The following ZNF253 variants were observed in gnomAD, a reference collection of about 807,000 sequenced individuals.
ZNF253 encodes DNA-binding protein.
Under a neutral mutation model 11.9 loss-of-function variants are expected in ZNF253, and 8 were observed. The observed-to-expected ratio is 0.67, with a 90% CI of 0.40 to 1.22. The LOEUF (loss-of-function observed/expected upper bound fraction) is 1.22, where lower values mean the gene tolerates loss of function less well. Among genes scored for constraint, ZNF253 ranks in the 50% most tolerant of loss-of-function variants. The pLI, the probability that ZNF253 is intolerant of heterozygous loss-of-function variation, is 0.01. For synonymous variants in ZNF253, 194 were observed against 194.9 expected, an observed-to-expected ratio of 1.00 and a Z score of 0.04; for missense variants, 485 against 586.9, an observed-to-expected ratio of 0.83 and a Z score of 1.79.
At chr19:19,870,809 A>G (rs1294132440) in intron 1 of ZNF253, 1 of 152,166 alleles carries the variant, frequency 6.6e-6, no homozygotes, top group Non-Finnish European at 1.5e-5. Flanking sequence ...CAGAGATGGA[A>G]AAGAAACTTT....
At chr19:19,890,498 T>TTG (rs35114806) in intron 3 of ZNF253, among the ~76,000 whole-genome samples, 24,950 of 140,770 alleles carry the variant, frequency 0.18, 2,090 homozygotes, top group East Asian at 0.32. Context: ...CAATTTATAT[T>TTG]TGTGTGTGTG....
chr19:19,890,832 A>ATTTTTTTTTT (rs770757608), intron 3 of ZNF253, among the ~76,000 whole-genome samples: 4 of 76,850 alleles, frequency 5.2e-5, no homozygotes, highest in Non-Finnish European at 9.1e-5. Context: ...CAACAATTTA[A>ATTTTTTTTTT]TTTTTTTTTT....
chr19:19,885,875 G>A (rs2063204716), intron 3 of ZNF253, among the ~76,000 whole-genome samples: 1 of 152,236 alleles, frequency 6.6e-6, no homozygotes, highest in East Asian at 1.9e-4. Context: ...CAAGAATGTT[G>A]AAGTGTGTTT....
At chr19:19,883,900 C>CA (rs2063188099) in intron 3 of ZNF253, among the ~76,000 whole-genome samples, 1 of 150,244 alleles carries the variant, frequency 6.7e-6, no homozygotes, top group East Asian at 2.0e-4. Flanking sequence ...TACTAAAATA[C>CA]AAAAAAATTA....
intron 1 of ZNF253, among the ~76,000 whole-genome samples, chr19:19,869,385 G>A (rs1294069146): frequency 2.0e-5 from 3 of 150,722 alleles, no homozygotes; most frequent in East Asian, 1.9e-4. Context: ...TTTTTTTTTC[G>A]AGGTGTTTTG....
chr19:19,873,781 G>A (rs1038580458), intron 1 of ZNF253, among the ~76,000 whole-genome samples: 1 of 152,066 alleles, frequency 6.6e-6, no homozygotes, highest in African/African-American at 2.4e-5. Flanking sequence ...TGAATTATGT[G>A]TCATATGGTT....
chr19:19,880,847 G>C (rs774651988), intron 3 of ZNF253, among the ~76,000 whole-genome samples: 4 of 151,834 alleles, frequency 2.6e-5, no homozygotes, highest in Non-Finnish European at 5.9e-5. Flanking sequence ...TCTGAAATGC[G>C]TGAGAGTATT....
Position 19,892,251 on chromosome 19 carries a change from C to T in ZNF253, c.1004C>T (p.Thr335Ile). The change falls in exon 4 of 4, where the codon ACA (threonine) becomes ATA (isoleucine). Residue 335 changes from threonine (T) to isoleucine (I), a missense_variant. Physicochemically the swap from Thr to Ile is moderately conservative, Grantham distance 89 (BLOSUM62 -1). Coordinates refer to ENST00000589717, the MANE Select transcript of ZNF253 (RefSeq NM_021047.3). ...CTTACTATACATAAGAGAATTCATA[C>T]AGGAGAGAAACCCTACAAATGTGAA... is the stretch of plus-strand genomic sequence containing the variant. ...SNLTIHKRIH[T>I]GEKPYKCEEC... is the part of the protein sequence containing the mutation. The T allele has an allele frequency of 1.2e-6, 2 of 1,613,924 alleles. No individual in the cohort carries two copies. Among genetic ancestry groups the T allele is most frequent in the Non-Finnish European group, 1.7e-6 (2 of 1,179,952 alleles).
At position 19,894,029 on chromosome 19, in the gene ZNF253, A is replaced by G. The variant is rs2122147509; in HGVS notation, c.*1282A>G. 6.6e-6 allele frequency: 1 copy of G among 152,376 alleles called. No homozygotes were observed. Among genetic ancestry groups the G allele is most frequent in the African/African-American group, 2.4e-5 (1 of 41,598 alleles). The allele number at this position is 152,376 out of a possible 1,614,324, so 9.4% of individuals were successfully genotyped here. On this transcript the variant is annotated 3_prime_UTR_variant, in exon 4 of 4. Transcript: ENST00000589717. ...ATTTTTGCAGATGCAGTAAATATCA[A>G]AAAATATTTAATTCAAAATTGATTC...
intron 1 of ZNF253, among the ~76,000 whole-genome samples, chr19:19,876,721 T>C (rs2063157646): frequency 6.6e-6 from 1 of 152,024 alleles, no homozygotes; most frequent in African/African-American, 2.4e-5. Context: ...GAGGGAAAAG[T>C]GGCTTTTCTG....
chr19:19,873,148 A>G (rs2063141785), intron 1 of ZNF253, among the ~76,000 whole-genome samples: 1 of 151,972 alleles, frequency 6.6e-6, no homozygotes, highest in Non-Finnish European at 1.5e-5. Context: ...CTCTAGGAAG[A>G]AATAGAATCT....
rs1456636463 is a variant in ZNF253, at chr19:19,893,578, A to C, written c.*831A>C. On this transcript the variant is annotated 3_prime_UTR_variant, in exon 4 of 4. Transcript: ENST00000589717. Reference sequence around the variant, plus strand: ...GTGGCAAAATATTTTATTAGTGCTTATACCTTATTTCACAGGAAAGCTCTT... The same window carrying C: ...GTGGCAAAATATTTTATTAGTGCTTCTACCTTATTTCACAGGAAAGCTCTT... 1 of 152,244 alleles carries C rather than the reference A, an allele frequency of 6.6e-6. No homozygotes were observed. Among genetic ancestry groups the C allele is most frequent in the Non-Finnish European group, 1.5e-5 (1 of 68,052 alleles). The allele number at this position is 152,244 out of a possible 1,614,324, so 9.4% of individuals were successfully genotyped here.
At position 19,891,690 on chromosome 19, in the gene ZNF253, A is replaced by C. The variant is rs774350707; in HGVS notation, c.443A>C (p.Lys148Thr). The C allele has an allele frequency of 2.7e-5, 44 of 1,614,106 alleles. No individual in the cohort carries two copies. The highest frequency in any genetic ancestry group is 1.7e-4 in the Middle Eastern group (1 of 6,060). ...TTQKEIFQCD[K>T]YGKVFHKFSN... ...CAGAAAGAAATATTTCAATGTGATA[A>C]ATATGGAAAAGTCTTTCATAAGTTT... The change falls in exon 4 of 4, where the codon AAA (lysine) becomes ACA (threonine). Residue 148 changes from lysine (K) to threonine (T), a missense_variant. Around this residue, in one of 3 missense-constraint regions of ZNF253, gnomAD observed 218 missense variants for 213.1 expected, o/e 1.02. Coordinates refer to ENST00000589717, the MANE Select transcript of ZNF253 (RefSeq NM_021047.3).
At position 19,892,211 on chromosome 19, in the gene ZNF253, A is replaced by T. The variant is rs1396076135; in HGVS notation, c.964A>T (p.Lys322Ter). Residue 322 changes from lysine to a stop codon, truncating the protein, a stop_gained, in exon 4 of 4, where the codon AAG becomes TAG. Coordinates refer to ENST00000589717, the MANE Select transcript of ZNF253 (RefSeq NM_021047.3). LOFTEE classifies it low-confidence loss of function (END_TRUNC). ...CTGTGAAGAATGTGGCAAATCCTTTAAGCACTGCTCTAACCTTACTATACA... is the reference window on the plus strand; with the variant it reads ...CTGTGAAGAATGTGGCAAATCCTTTTAGCACTGCTCTAACCTTACTATACA... Reference protein sequence around the residue: ...YNCEECGKSFKHCSNLTIHKR... With the variant: ...YNCEECGKSF The T allele has an allele frequency of 6.2e-6, 10 of 1,613,612 alleles. No homozygotes were observed. The highest frequency in any genetic ancestry group is 8.5e-6 in the Non-Finnish European group (10 of 1,179,870).
At chr19:19,890,614 C>T (rs1285599642) in intron 3 of ZNF253, among the ~76,000 whole-genome samples, 2 of 150,498 alleles carry the variant, frequency 1.3e-5, no homozygotes, top group African/African-American at 4.9e-5. Flanking sequence ...TCTCCGTCTC[C>T]ACAGTTGAAG....
intron 1 of ZNF253, among the ~76,000 whole-genome samples, chr19:19,868,691 G>T (rs961246142): frequency 1.3e-5 from 2 of 152,064 alleles, no homozygotes; most frequent in Non-Finnish European, 2.9e-5. Flanking sequence ...AGGGGATTGG[G>T]GGGCTAGGGG....
At chr19:19,885,418 T>A (rs989738984) in intron 3 of ZNF253, among the ~76,000 whole-genome samples, 1 of 146,918 alleles carries the variant, frequency 6.8e-6, no homozygotes, top group Non-Finnish European at 1.5e-5. Flanking sequence ...TTAGATGGAG[T>A]CTTGCTCTGT....
At chr19:19,890,880 T>C (rs1350942531) in intron 3 of ZNF253, among the ~76,000 whole-genome samples, 1 of 143,314 alleles carries the variant, frequency 7.0e-6, no homozygotes, top group Non-Finnish European at 1.5e-5. Flanking sequence ...CTCACTCTGT[T>C]GCCCAGGCTG....
chr19:19,877,641 C>A (rs1236584989), intron 1 of ZNF253, among the ~76,000 whole-genome samples: 3 of 152,134 alleles, frequency 2.0e-5, no homozygotes, highest in African/African-American at 7.2e-5. Context: ...TCCCAAAGTG[C>A]TGAAATTACA....
Sources: allele counts gnomAD v4.1 joint callset (sites outside exome capture counted in the v4.1 genomes callset), GRCh38; gene constraint gnomAD v4.1.1; regional missense constraint gnomAD v4.1.1; transcripts MANE v1.5; gene names NCBI Gene and HGNC (gene_info 2026-07-23, HGNC 2026-07-21).